GSDME: variants seen among roughly 807,000 people sequenced by gnomAD.
The protein encoded by GSDME is gasdermin E, also known as gasdermin-E.
Under a neutral mutation model 47.5 loss-of-function variants are expected in GSDME, and 44 were observed. The observed-to-expected ratio is 0.93, with a 90% confidence interval of 0.73 to 1.19. GSDME has a LOEUF of 1.19. Ranked by LOEUF, GSDME falls within the 50% of genes most tolerant of loss-of-function variation. The pLI, the probability that GSDME is intolerant of heterozygous loss-of-function variation, is 0.00. For missense variants in GSDME, 663 were observed against 604.2 expected, an observed-to-expected ratio of 1.10 and a Z score of -1.02; for synonymous variants, 258 against 252.8, an observed-to-expected ratio of 1.02 and a Z score of -0.20.
chr7:24,743,292 A>G (rs1790546607), intron 3 of GSDME, among the ~76,000 whole-genome samples: 2 of 152,246 alleles, frequency 1.3e-5, no homozygotes, highest in Non-Finnish European at 1.5e-5. Context: ...AAAATGTTGC[A>G]AAAGATGAAA....
chr7:24,766,136 T>C, the GSDME span, among the ~76,000 whole-genome samples: 34 of 152,168 alleles, frequency 2.2e-4, no homozygotes, highest in Non-Finnish European at 2.8e-4. This position sits in a 1 kb window ranked among gnomAD's most constrained non-coding sequence, Gnocchi z 4.2. Context: ...ACAACTCCTG[T>C]AGTTCAGTCT....
At chr7:24,777,525 C>T in the GSDME span, among the ~76,000 whole-genome samples, 1 of 152,146 alleles carries the variant, frequency 6.6e-6, no homozygotes, top group African/African-American at 2.4e-5. Flanking sequence ...TTGGAGCCAA[C>T]CTTGCAGGTG....
chr7:24,717,120 T>A (rs1355921260), intron 5 of GSDME, 134 bp downstream of exon 5: 1 of 1,013,930 alleles, frequency 9.9e-7, no homozygotes, highest in Non-Finnish European at 1.5e-6. Context: ...TGGGACAATC[T>A]ACGCTCTTCA....
intron 5 of GSDME, chr7:24,715,473 T>G (rs757861502): frequency 1.5e-5 from 7 of 471,046 alleles, no homozygotes; most frequent in Admixed American, 7.0e-5. Flanking sequence ...ACATACAGTT[T>G]CTGTGTGTCA....
rs116944078 is a variant in GSDME, at chr7:24,754,567, C to T, written c.-20+2829G>A. ...GAAAGCAGATGAGAACTAAAAAGGC[C>T]AAAGCAAATGCAGTAAGGATATCCT... On this transcript the variant is annotated intron_variant, in intron 1 of 9. Transcript: ENST00000645220. This position sits in a 1 kb window ranked among gnomAD's most constrained non-coding sequence, Gnocchi z 5.0. 8.9e-3 allele frequency among the ~76,000 whole-genome samples: 1,357 copies of T among 151,776 alleles called. 11 individuals are homozygous for T. Among genetic ancestry groups the T allele is most frequent in the Non-Finnish European group, 0.014 (951 of 67,966 alleles).
At chr7:24,708,710 A>G (rs895576765) in intron 6 of GSDME, among the ~76,000 whole-genome samples, 1 of 152,056 alleles carries the variant, frequency 6.6e-6, no homozygotes. Context: ...CAGATTTTCT[A>G]TCCTTTAATA....
the GSDME span, among the ~76,000 whole-genome samples, chr7:24,785,165 T>C: frequency 6.6e-6 from 1 of 152,190 alleles, no homozygotes; most frequent in Non-Finnish European, 1.5e-5. Context: ...CGCCCATTCA[T>C]GTACTTATTG....
chr7:24,764,957 G>A, the GSDME span, among the ~76,000 whole-genome samples: 12 of 152,172 alleles, frequency 7.9e-5, no homozygotes, highest in African/African-American at 1.9e-4. The surrounding 1 kb of genome is among the most constrained non-coding windows in gnomAD (Gnocchi z 4.4). Context: ...GAGGAGTGAC[G>A]TGCTGAAAAA....
At chr7:24,710,703 TA>T in intron 5 of GSDME, 1 of 306,948 alleles carries the variant, frequency 3.3e-6, no homozygotes, top group Non-Finnish European at 6.2e-6. Flanking sequence ...AAACTGATTC[TA>T]AACAGACAAA....
intron 3 of GSDME, among the ~76,000 whole-genome samples, chr7:24,730,871 A>G (rs1045979573): frequency 1.3e-5 from 2 of 152,182 alleles, no homozygotes; most frequent in Non-Finnish European, 2.9e-5. Context: ...GATTTCTGTA[A>G]AAAGACTAAA....
the GSDME span, among the ~76,000 whole-genome samples, chr7:24,793,447 A>G: frequency 6.6e-6 from 1 of 152,192 alleles, no homozygotes; most frequent in Non-Finnish European, 1.5e-5. Flanking sequence ...AAACCTTTTA[A>G]TGTAGGTAAA....
At chr7:24,729,522 G>C (rs1023788293) in intron 3 of GSDME, among the ~76,000 whole-genome samples, 2 of 152,346 alleles carry the variant, frequency 1.3e-5, no homozygotes, top group African/African-American at 4.8e-5. Context: ...ATGCCACCAG[G>C]GGTGATGTGG....
chr7:24,699,003 G>A lies in GSDME; in HGVS notation c.*23C>T, dbSNP rs767560006. On this transcript the variant is annotated 3_prime_UTR_variant, in exon 10 of 10. Transcript: ENST00000645220. The stretch of plus-strand genomic sequence containing the variant: ...GAAAAATAGCCTTGGCCAGTAACAC[G>A]TACTTCTAGTTCACATATGACATCA... 75 of 1,517,766 alleles carry A rather than the reference G, an allele frequency of 4.9e-5. No homozygotes were observed. The highest frequency in any genetic ancestry group is 6.3e-5 in the Non-Finnish European group (69 of 1,094,286). 94.0% of individuals were successfully genotyped at this position (1,517,766 alleles called of 1,614,324 possible). A position where few individuals can be genotyped will look rare whatever the true frequency, so the allele number is the denominator to read the frequency against.
Position 24,744,787 on chromosome 7 carries a change from T to C in GSDME, c.212-33A>G, listed in dbSNP as rs144272202. Reference sequence around the variant, plus strand: ...GGAGGAGACGAGCAGAGGAAGCCGATGATGATAAGGCCACCAAGATGTCTT... The same window carrying C: ...GGAGGAGACGAGCAGAGGAAGCCGACGATGATAAGGCCACCAAGATGTCTT... On this transcript the variant is annotated intron_variant, in intron 2 of 9. Transcript: ENST00000645220. This position sits in a 1 kb window ranked among gnomAD's most constrained non-coding sequence, Gnocchi z 4.5. 6.2e-3 allele frequency: 9,999 copies of C among 1,608,896 alleles called. 39 individuals are homozygous for C. The highest frequency in any genetic ancestry group is 0.014 in the East Asian group (635 of 44,870).
chr7:24,793,411 T>G, the GSDME span, among the ~76,000 whole-genome samples: 69 of 152,336 alleles, frequency 4.5e-4, no homozygotes, highest in African/African-American at 1.6e-3. Flanking sequence ...TAAAACTTGC[T>G]TAAATCTTCA....
At chr7:24,700,202 G>A (rs1358585159) in intron 9 of GSDME, among the ~76,000 whole-genome samples, 1 of 152,068 alleles carries the variant, frequency 6.6e-6, no homozygotes, top group Non-Finnish European at 1.5e-5. Flanking sequence ...TAAGCTGCTC[G>A]TGAGAGCAGG....
chr7:24,710,467 G>C (rs1789309217), intron 5 of GSDME, 79 bp from the exon 6 acceptor site: 2 of 1,374,042 alleles, frequency 1.5e-6, no homozygotes, highest in Non-Finnish European at 1.0e-6. Context: ...GGTCAGCCCA[G>C]CCTTGATGGC....
chr7:24,761,240 A>G (rs1229551858), upstream of GSDME, among the ~76,000 whole-genome samples: 2 of 152,230 alleles, frequency 1.3e-5, no homozygotes, highest in Admixed American at 6.5e-5. This position sits in a 1 kb window ranked among gnomAD's most constrained non-coding sequence, Gnocchi z 4.4. Flanking sequence ...AGGGTCCTGG[A>G]TAACTTCACC....
chr7:24,730,218 C>T (rs887575172), intron 3 of GSDME, among the ~76,000 whole-genome samples: 1 of 152,190 alleles, frequency 6.6e-6, no homozygotes, highest in African/African-American at 2.4e-5. Flanking sequence ...AATTCTAACT[C>T]CTGACTCATC....
Sources: gnomAD v4.1 joint callset for allele counts (sites outside exome capture counted in the v4.1 genomes callset) on GRCh38, gnomAD v4.1.1 for gene constraint, Gnocchi (gnomAD v3.1) non-coding constraint, MANE v1.5 for transcripts, NCBI Gene and HGNC (gene_info 2026-07-23, HGNC 2026-07-21) for gene names.